The following RHBDF2 variants were observed in gnomAD, a reference collection of about 807,000 sequenced individuals.
RHBDF2 encodes rhomboid 5 homolog 2, also known as inactive rhomboid protein 2.
RHBDF2 carries 38 observed loss-of-function variants against 95.2 expected under a neutral mutation model. That is an observed-to-expected ratio of 0.40 (90% CI 0.31 to 0.52). RHBDF2 has a LOEUF of 0.52. RHBDF2 is among the 20% of genes least tolerant of loss of function. The probability of loss-of-function intolerance (pLI) is 0.56; values close to 1 mark genes in which losing one functional copy is unlikely to be tolerated. For missense variants in RHBDF2, 863 were observed against 1,137.7 expected (o/e 0.76, Z 3.47); for synonymous variants, 442 against 462.0 (o/e 0.96, Z 0.55).
chr17:76,479,216 G>A lies in RHBDF2; in HGVS notation c.334C>T (p.Arg112Cys), dbSNP rs773462194. The change falls in exon 5 of 19, where the codon CGC (arginine) becomes TGC (cysteine). Residue 112 changes from arginine to cysteine, a missense_variant. Transcript: ENST00000675367. ...ATGCTGCAGTGGTGCAGGCTGCGGC[G>A]CTGCCACTGCTGCCGCTGCCCCTCC... ...DWEGQRQQWQ[R>C]RSLHHCSMRY... is the part of the protein sequence containing the mutation. The A allele has an allele frequency of 1.5e-5, 24 of 1,607,790 alleles. No individual in the cohort carries two copies. In the Middle Eastern group the frequency reaches 8.7e-4, roughly 58 times the overall value.
At chr17:76,488,288 T>A (rs1598694830) in intron 1 of RHBDF2, 1 of 149,314 alleles carries the variant, frequency 6.7e-6, no homozygotes, top group East Asian at 2.0e-4. Context: ...TCACCTGAGG[T>A]CAGGAGTTCG....
At position 76,501,341 on chromosome 17, in the gene RHBDF2, C is replaced by A. The variant is rs1014348759; in HGVS notation, c.-220+12G>T. On this transcript the variant is annotated intron_variant, in intron 1 of 18. Transcript: ENST00000675367. ...GCCGTGAGTCCTGCCCCGCTCGTCG[C>A]CCCGCGCTCACCTCCCTGCGGCCCC... 1 of 152,168 alleles carries A rather than the reference C, an allele frequency of 6.6e-6. No homozygotes were observed. Among genetic ancestry groups the A allele is most frequent in the African/African-American group, 2.4e-5 (1 of 41,428 alleles). 9.4% of individuals were successfully genotyped at this position (152,168 alleles called of 1,614,324 possible). A position where few individuals can be genotyped will look rare whatever the true frequency, so the allele number is the denominator to read the frequency against.
intron 1 of RHBDF2, among the ~76,000 whole-genome samples, chr17:76,489,080 C>T (rs57351189): frequency 0.38 from 57,903 of 151,232 alleles, 12,112 homozygotes; most frequent in Middle Eastern, 0.5. Flanking sequence ...GAGCCGAGAT[C>T]GCGCCACTGC....
chr17:76,472,289 G>C, intron 18 of RHBDF2: 1 of 599,364 alleles, frequency 1.7e-6, no homozygotes, highest in Non-Finnish European at 3.0e-6. Context: ...GTAGCAATAA[G>C]CAAGACAGAC....
chr17:76,498,375 G>A (rs1177950530), intron 1 of RHBDF2, among the ~76,000 whole-genome samples: 2 of 152,210 alleles, frequency 1.3e-5, no homozygotes, highest in Non-Finnish European at 1.5e-5. Context: ...GGGCAGCGCC[G>A]AGGCCTGCTC....
At chr17:76,498,830 G>C (rs1223744951) in intron 1 of RHBDF2, among the ~76,000 whole-genome samples, 2 of 151,040 alleles carry the variant, frequency 1.3e-5, no homozygotes, top group Non-Finnish European at 2.9e-5. Flanking sequence ...GTGTGAGTCT[G>C]TGTGTGTCTG....
In RHBDF2 at chr17:76,478,988, C is replaced by A; in HGVS notation, c.490G>T (p.Gly164Cys). 1 of 1,596,702 alleles carries A rather than the reference C, an allele frequency of 6.3e-7. No individual in the cohort carries two copies. The highest frequency in any genetic ancestry group is 1.1e-5 in the South Asian group (1 of 89,026). The change falls in exon 6 of 19, where the codon GGC becomes TGC. Residue 164 changes from glycine (G) to cysteine (C), a missense_variant. Gly to Cys is a radical substitution (Grantham distance 159). Transcript: ENST00000675367. ...MPKIVDPLAR[G>C]RAFRHPEEMD... ...TCCTCCGGGTGGCGGAAGGCCCGGC[C>A]CCGGGCCAGCGGATCCACAATCTGG...
intron 7 of RHBDF2, among the ~76,000 whole-genome samples, 173 bp downstream of exon 7, chr17:76,477,484 C>A (rs1020440858): frequency 2.8e-5 from 4 of 143,362 alleles, no homozygotes; most frequent in Admixed American, 7.0e-5. Context: ...CAGGTCTTCA[C>A]CCTACCCAAC....
At position 76,481,309 on chromosome 17, in the gene RHBDF2, A is replaced by G. The variant is rs553209074; in HGVS notation, c.150+66T>C. On this transcript the variant is annotated intron_variant, in intron 3 of 18. Coordinates refer to ENST00000675367, the MANE Select transcript of RHBDF2 (RefSeq NM_001005498.4). ...CCCTCTGGGAAGTGAAACTGACCAGAAAGTGTCACGTGGGTACATCTGTTA... is the reference window on the plus strand; with the variant it reads ...CCCTCTGGGAAGTGAAACTGACCAGGAAGTGTCACGTGGGTACATCTGTTA... 8.7e-5 allele frequency: 133 copies of G among 1,531,490 alleles called. 1 individual carries two copies. The South Asian group carries it at 1.4e-3, about 16-fold the overall frequency. 94.9% of individuals were successfully genotyped at this position (1,531,490 alleles called of 1,614,324 possible).
Position 76,477,291 on chromosome 17 carries a change from A to G in RHBDF2, c.809T>C (p.Met270Thr). The change falls in exon 8 of 19, where the codon ATG becomes ACG. Residue 270 changes from methionine to threonine, a missense_variant. Coordinates refer to ENST00000675367, the MANE Select transcript of RHBDF2 (RefSeq NM_001005498.4). ...FDSSFFSKEEMSSMPDDVFES... is the reference protein window; with the variant it reads ...FDSSFFSKEETSSMPDDVFES... ...AAAGACATCATCAGGCATGGAGCTC[A>G]TTTCTTCCTGGGGTGGGGGACAAGA... The G allele has an allele frequency of 1.2e-6, 2 of 1,609,194 alleles. No individual in the cohort carries two copies. Among genetic ancestry groups the G allele is most frequent in the Non-Finnish European group, 1.7e-6 (2 of 1,177,234 alleles).
rs1232963180 is a variant in RHBDF2 at position 76,479,770 on chromosome 17, A to C, written c.235T>G (p.Phe79Val). ...WQESSEKRPG[F>V]RRQASLSQSI... ...TGGGACAGTGAGGCCTGGCGGCGGA[A>C]GCCAGGGCGCTTCTCTGAACTCTCC... The change falls in exon 4 of 19, where the codon TTC becomes GTC. Residue 79 changes from phenylalanine to valine, a missense_variant. Physicochemically the swap from Phe to Val is conservative, Grantham distance 50 (BLOSUM62 -1). This residue lies in a region of RHBDF2 where 611 missense variants were observed against 725.5 expected (regional missense o/e 0.84). Transcript: ENST00000675367. The C allele has an allele frequency of 1.9e-6, 3 of 1,612,608 alleles. No homozygotes were observed. The highest frequency in any genetic ancestry group is 2.2e-5 in the South Asian group (2 of 91,016).
chr17:76,472,242 A>G (rs1020251682), intron 18 of RHBDF2, 190 bp from the exon 19 acceptor site: 4 of 619,494 alleles, frequency 6.5e-6, no homozygotes, highest in African/African-American at 5.5e-5. Context: ...TTCAGCAAAC[A>G]CTGAGCGCCT....
At chr17:76,496,128 G>A (rs1298618108) in intron 1 of RHBDF2, among the ~76,000 whole-genome samples, 2 of 152,210 alleles carry the variant, frequency 1.3e-5, no homozygotes, top group East Asian at 3.9e-4. Context: ...CTCCTCTGCT[G>A]TGAGATGGGT....
Position 76,474,079 on chromosome 17 carries a change from G to C in RHBDF2, c.1528C>G (p.Leu510Val). 1 of 1,612,056 alleles carries C rather than the reference G, an allele frequency of 6.2e-7. No individual in the cohort carries two copies. Among genetic ancestry groups the C allele is most frequent in the Non-Finnish European group, 8.5e-7 (1 of 1,179,496 alleles). Reference sequence around the variant, plus strand: ...GCCCCCGAAGTCCGCTTCTGGCCCAGATCAGACTTGTCCATGGGGGGCCCA... The same window carrying C: ...GCCCCCGAAGTCCGCTTCTGGCCCACATCAGACTTGTCCATGGGGGGCCCA... The part of the protein sequence containing the change: ...DTGPPMDKSD[L>V]GQKRTSGAVC... Residue 510 changes from leucine (L) to valine (V), a missense_variant, in exon 13 of 19, where the codon CTG becomes GTG. Transcript: ENST00000675367.
intron 1 of RHBDF2, among the ~76,000 whole-genome samples, chr17:76,491,588 C>T (rs1444117151): frequency 1.3e-5 from 2 of 152,230 alleles, no homozygotes; most frequent in African/African-American, 4.8e-5. Context: ...AGCAGCTCCA[C>T]CCTCTGGCCT....
intron 1 of RHBDF2, among the ~76,000 whole-genome samples, chr17:76,492,599 G>GC (rs1304147108): frequency 6.6e-6 from 1 of 152,148 alleles, no homozygotes; most frequent in Non-Finnish European, 1.5e-5. Context: ...CCAGCCCACT[G>GC]CCCCTCCCAA....
At chr17:76,486,161 C>G (rs12939537) in intron 2 of RHBDF2, among the ~76,000 whole-genome samples, 1 of 151,644 alleles carries the variant, frequency 6.6e-6, no homozygotes, top group Non-Finnish European at 1.5e-5. Context: ...CAGGCTAGAG[C>G]GCAGTGGTGC....
chr17:76,499,256 A>G (rs2074515781), intron 1 of RHBDF2, among the ~76,000 whole-genome samples: 2 of 152,192 alleles, frequency 1.3e-5, no homozygotes, highest in Admixed American at 6.5e-5. Context: ...TGGGTCCAGA[A>G]GTGAACAGGA....
intron 1 of RHBDF2, among the ~76,000 whole-genome samples, chr17:76,491,418 C>T (rs1460984545): frequency 6.7e-6 from 1 of 148,912 alleles, no homozygotes; most frequent in Non-Finnish European, 1.5e-5. Flanking sequence ...CTGGTCAGCC[C>T]CAGGGCAATC....
Sources: gnomAD v4.1 joint callset for allele counts (sites outside exome capture counted in the v4.1 genomes callset) on GRCh38, gnomAD v4.1.1 for gene constraint, gnomAD v4.1.1 regional missense constraint, MANE v1.5 for transcripts, NCBI Gene and HGNC (gene_info 2026-07-23, HGNC 2026-07-21) for gene names.